GALNT13: variants seen among roughly 807,000 people sequenced by gnomAD.
GALNT13 encodes polypeptide N-acetylgalactosaminyltransferase 13, also known as UDP-GalNAc:polypeptide N-acetylgalactosaminyltransferase 13.
GALNT13 carries 28 observed loss-of-function variants against 64.2 expected under a neutral mutation model. The observed-to-expected ratio is 0.44, with a 90% CI of 0.32 to 0.60. The LOEUF is 0.60. Among genes scored for constraint, GALNT13 ranks in the 20% least tolerant of loss-of-function variants. The probability of loss-of-function intolerance (pLI) is 0.05; values close to 1 mark genes in which losing one functional copy is unlikely to be tolerated. For synonymous variants in GALNT13, 214 were observed against 224.6 expected, an observed-to-expected ratio of 0.95 and a Z score of 0.42; for missense variants, 577 against 669.8, an observed-to-expected ratio of 0.86 and a Z score of 1.53.
At chr2:153,322,273 C>A in the GALNT13 span, among the ~76,000 whole-genome samples, 1 of 152,050 alleles carries the variant, frequency 6.6e-6, no homozygotes, top group African/African-American at 2.4e-5. Flanking sequence ...ATTTGGTTTT[C>A]TGTTTCTGCC....
chr2:153,536,602 AT>A, the GALNT13 span, among the ~76,000 whole-genome samples: 2 of 152,102 alleles, frequency 1.3e-5, no homozygotes, highest in East Asian at 3.9e-4. Flanking sequence ...TATCATTTTT[AT>A]TTTTTACTAT....
At chr2:153,379,536 G>A in the GALNT13 span, among the ~76,000 whole-genome samples, 1 of 152,152 alleles carries the variant, frequency 6.6e-6, no homozygotes, top group Non-Finnish European at 1.5e-5. Context: ...TGCAGTTAAT[G>A]TGACAACAAC....
At chr2:154,137,210 A>C (rs1179879662) in intron 3 of GALNT13, among the ~76,000 whole-genome samples, 1 of 152,114 alleles carries the variant, frequency 6.6e-6, no homozygotes, top group Non-Finnish European at 1.5e-5. Context: ...AGCCAGAAAA[A>C]GTAAAAGGCT....
chr2:154,241,121 G>A (rs1255579461), intron 4 of GALNT13, among the ~76,000 whole-genome samples: 1 of 152,062 alleles, frequency 6.6e-6, no homozygotes, highest in African/African-American at 2.4e-5. Context: ...GTGTCTTCTC[G>A]GGCAGATCTG....
the GALNT13 span, among the ~76,000 whole-genome samples, chr2:153,514,458 T>G: frequency 6.6e-6 from 1 of 152,216 alleles, no homozygotes; most frequent in Non-Finnish European, 1.5e-5. Context: ...TTGCCAAACC[T>G]GTCAGTCACT....
the GALNT13 span, among the ~76,000 whole-genome samples, chr2:153,726,555 C>T: frequency 6.6e-6 from 1 of 152,090 alleles, no homozygotes; most frequent in African/African-American, 2.4e-5. Context: ...TAAACTTCTA[C>T]CTGCTTATTT....
the GALNT13 span, among the ~76,000 whole-genome samples, chr2:153,500,644 A>G: frequency 6.6e-6 from 1 of 152,246 alleles, no homozygotes; most frequent in Admixed American, 6.5e-5. Flanking sequence ...TCTAAAATGC[A>G]GACAAAAACT....
intron 3 of GALNT13, among the ~76,000 whole-genome samples, chr2:154,060,991 T>G (rs1700150621): frequency 6.6e-6 from 1 of 151,410 alleles, no homozygotes; most frequent in Non-Finnish European, 1.5e-5. Context: ...AACAAATATA[T>G]CAAGCATTAT....
chr2:154,221,566 T>C (rs1688324889), intron 4 of GALNT13, among the ~76,000 whole-genome samples: 1 of 152,102 alleles, frequency 6.6e-6, no homozygotes, highest in South Asian at 2.1e-4. Context: ...TGTAATAATT[T>C]GACAATCACA....
At chr2:153,627,109 G>A in the GALNT13 span, among the ~76,000 whole-genome samples, 4 of 152,052 alleles carry the variant, frequency 2.6e-5, no homozygotes, top group East Asian at 7.7e-4. Flanking sequence ...TGTAATACCT[G>A]AAGGTGCTTG....
At chr2:153,510,203 T>C in the GALNT13 span, among the ~76,000 whole-genome samples, 1 of 152,212 alleles carries the variant, frequency 6.6e-6, no homozygotes, top group Non-Finnish European at 1.5e-5. Flanking sequence ...CTGTCCCAAT[T>C]TCATCTCTCC....
At chr2:153,577,465 C>T in the GALNT13 span, among the ~76,000 whole-genome samples, 3 of 152,038 alleles carry the variant, frequency 2.0e-5, no homozygotes, top group Non-Finnish European at 2.9e-5. Flanking sequence ...CACAGAAGAG[C>T]TGTTTCCTTT....
intron 3 of GALNT13, among the ~76,000 whole-genome samples, chr2:154,085,870 C>T (rs1701494439): frequency 6.6e-6 from 1 of 151,854 alleles, no homozygotes; most frequent in African/African-American, 2.4e-5. Context: ...TCAGGACCTT[C>T]TTGGACAACA....
chr2:153,860,780 C>T, the GALNT13 span, among the ~76,000 whole-genome samples: 1 of 152,098 alleles, frequency 6.6e-6, no homozygotes, highest in South Asian at 2.1e-4. Context: ...GACAAAAGTC[C>T]CTGGGGCTTA....
the GALNT13 span, among the ~76,000 whole-genome samples, chr2:153,774,877 T>C: frequency 6.6e-6 from 1 of 152,184 alleles, no homozygotes; most frequent in African/African-American, 2.4e-5. Flanking sequence ...GCCACTGCGC[T>C]CCAACCTGGG....
At chr2:154,380,250 T>C (rs899211230) in intron 9 of GALNT13, among the ~76,000 whole-genome samples, 2 of 152,008 alleles carry the variant, frequency 1.3e-5, no homozygotes, top group Non-Finnish European at 2.9e-5. Flanking sequence ...AAGCAACTTA[T>C]AAAGGGTCAT....
chr2:154,010,266 T>G (rs569618375), intron 3 of GALNT13, among the ~76,000 whole-genome samples: 5 of 152,338 alleles, frequency 3.3e-5, no homozygotes, highest in African/African-American at 1.2e-4. Flanking sequence ...GTATGTTGCT[T>G]CAATGCCCAG....
chr2:153,744,301 T>G, the GALNT13 span, among the ~76,000 whole-genome samples: 1 of 152,120 alleles, frequency 6.6e-6, no homozygotes, highest in African/African-American at 2.4e-5. Context: ...ACCAACAATG[T>G]GCAAGGGTTC....
the GALNT13 span, among the ~76,000 whole-genome samples, chr2:153,637,001 G>A: frequency 6.6e-6 from 1 of 151,950 alleles, no homozygotes; most frequent in South Asian, 2.1e-4. Context: ...CAAATATAAG[G>A]TATATTTTAT....
Sources: allele counts gnomAD v4.1 joint callset (sites outside exome capture counted in the v4.1 genomes callset), GRCh38; gene constraint gnomAD v4.1.1; transcripts MANE v1.5; gene names NCBI Gene and HGNC (gene_info 2026-07-23, HGNC 2026-07-21).